Variants in CLSTN2 observed in about 807,000 individuals in gnomAD.
The protein encoded by CLSTN2 is calsyntenin 2.
CLSTN2 carries 48 observed loss-of-function variants against 101.2 expected under a neutral mutation model. The observed-to-expected ratio is 0.47, with a 90% CI of 0.38 to 0.60. The LOEUF (loss-of-function observed/expected upper bound fraction) is 0.60, where lower values mean the gene tolerates loss of function less well. CLSTN2 is among the 20% of genes least tolerant of loss of function. The pLI is 0.00. For missense variants in CLSTN2, 1,160 were observed against 1,238.2 expected (o/e 0.94, Z 0.95); for synonymous variants, 481 against 463.6 (o/e 1.04, Z -0.48).
rs549090179 is a variant in CLSTN2 at position 140,459,466 on chromosome 3, C to T, written c.974-55C>T. ...TTCACCTTGACCCAGGAGCAGAAAA[C>T]AGATGAGGACACCGCATCATGACCT... On this transcript the variant is annotated intron_variant, in intron 6 of 16. Transcript: ENST00000458420. 136 of 1,595,672 alleles carry T rather than the reference C, an allele frequency of 8.5e-5. 1 individual carries two copies. The South Asian group carries it at 1.1e-3, about 13-fold the overall frequency.
chr3:140,512,493 G>A (rs1934834165), intron 8 of CLSTN2, among the ~76,000 whole-genome samples: 1 of 152,164 alleles, frequency 6.6e-6, no homozygotes, highest in Non-Finnish European at 1.5e-5. Flanking sequence ...TTGGTTACCA[G>A]CATCATTCTG....
At chr3:140,144,535 G>C (rs1473746287) in intron 1 of CLSTN2, among the ~76,000 whole-genome samples, 1 of 152,112 alleles carries the variant, frequency 6.6e-6, no homozygotes, top group Non-Finnish European at 1.5e-5. Flanking sequence ...AGAATTGCTT[G>C]AACCCAGGAG....
intron 2 of CLSTN2, among the ~76,000 whole-genome samples, chr3:140,224,306 C>A (rs980744507): frequency 6.6e-6 from 1 of 152,154 alleles, no homozygotes; most frequent in Admixed American, 6.5e-5. Context: ...TTCTTGGGAT[C>A]ATTTTGAAAG....
intron 11 of CLSTN2, 94 bp from the exon 12 acceptor site, chr3:140,558,546 T>C: frequency 2.1e-6 from 2 of 950,566 alleles, no homozygotes; most frequent in South Asian, 3.1e-5. Flanking sequence ...GATGCCTTGT[T>C]AAGAACTGGA....
intron 2 of CLSTN2, among the ~76,000 whole-genome samples, chr3:140,214,596 C>G (rs2010898977): frequency 1.3e-5 from 2 of 152,148 alleles, no homozygotes; most frequent in South Asian, 2.1e-4. Context: ...ACACTAACTC[C>G]CTTTCCCAAC....
intron 1 of CLSTN2, among the ~76,000 whole-genome samples, chr3:140,169,301 T>A (rs1234248182): frequency 6.6e-6 from 1 of 152,180 alleles, no homozygotes; most frequent in Non-Finnish European, 1.5e-5. Flanking sequence ...GATTTCTTCA[T>A]AGAAATACCA....
intron 1 of CLSTN2, among the ~76,000 whole-genome samples, chr3:140,048,701 G>T (rs930193040): frequency 1.3e-5 from 2 of 151,214 alleles, no homozygotes; most frequent in Non-Finnish European, 2.9e-5. Context: ...CTTCCTTACT[G>T]GGGGGAGTGG....
chr3:140,331,906 C>T (rs1039696314), intron 2 of CLSTN2, among the ~76,000 whole-genome samples: 51 of 152,296 alleles, frequency 3.3e-4, no homozygotes, highest in African/African-American at 1.2e-3. Flanking sequence ...AAACCACTAC[C>T]GTGCTTATTA....
At chr3:140,014,663 C>T (rs2007160287) in intron 1 of CLSTN2, among the ~76,000 whole-genome samples, 1 of 152,110 alleles carries the variant, frequency 6.6e-6, no homozygotes, top group Non-Finnish European at 1.5e-5. Context: ...CACAGTAGGG[C>T]CTGTGCCCAG....
At chr3:140,158,295 AG>A in intron 1 of CLSTN2, among the ~76,000 whole-genome samples, 1 of 152,344 alleles carries the variant, frequency 6.6e-6, no homozygotes, top group East Asian at 1.9e-4. Context: ...ATTATATACC[AG>A]GAAAAACCTA....
Position 140,290,709 on chromosome 3 carries a change from A to T in CLSTN2, c.233-112920A>T, listed in dbSNP as rs911295665. Among the ~76,000 whole-genome samples, 6 of 152,244 alleles carry T rather than the reference A, an allele frequency of 3.9e-5. No homozygotes were observed. In the South Asian group the frequency reaches 1.2e-3, roughly 32 times the overall value. ...TTTGGAGCATAGAATGGATAATTCA[A>T]TGTCTAAGCCTAAGTATCCTGATTC... On this transcript the variant is annotated intron_variant, in intron 2 of 16. Coordinates refer to ENST00000458420, the MANE Select transcript of CLSTN2 (RefSeq NM_022131.3).
Position 140,045,535 on chromosome 3 carries a change from C to T in CLSTN2, c.109+110052C>T, listed in dbSNP as rs1271298802. On this transcript the variant is annotated intron_variant, in intron 1 of 16. Transcript: ENST00000458420. ...TGTGTCTCTATCTCCTTCAGTTCTGCTAGTTATTTCTTGTCTTCTGCTAGC... is the reference window on the plus strand; with the variant it reads ...TGTGTCTCTATCTCCTTCAGTTCTGTTAGTTATTTCTTGTCTTCTGCTAGC... Among the ~76,000 whole-genome samples the T allele has an allele frequency of 2.0e-5, 3 of 150,782 alleles. No individual in the cohort carries two copies. The Admixed American group carries it at 2.0e-4, about 10-fold the overall frequency.
intron 1 of CLSTN2, among the ~76,000 whole-genome samples, chr3:140,113,679 A>G (rs2009192703): frequency 1.3e-5 from 2 of 152,078 alleles, no homozygotes; most frequent in African/African-American, 4.8e-5. Flanking sequence ...CTTCATATTA[A>G]CCCTCCAAGT....
At chr3:140,113,512 T>C (rs142526427) in intron 1 of CLSTN2, among the ~76,000 whole-genome samples, 2,674 of 152,326 alleles carry the variant, frequency 0.018, 37 homozygotes, top group Non-Finnish European at 0.025. Flanking sequence ...GTCCTACTCT[T>C]GGCACCAACT....
chr3:140,085,520 C>T (rs1033423275), intron 1 of CLSTN2, among the ~76,000 whole-genome samples: 1 of 152,168 alleles, frequency 6.6e-6, no homozygotes, highest in African/African-American at 2.4e-5. Flanking sequence ...GGGCTGTGGA[C>T]ATCTTCTCAC....
chr3:140,077,259 C>T (rs2008507684), intron 1 of CLSTN2, among the ~76,000 whole-genome samples: 1 of 152,200 alleles, frequency 6.6e-6, no homozygotes, highest in African/African-American at 2.4e-5. Context: ...TGGGCCTCTT[C>T]TGTCCTAGTC....
intron 5 of CLSTN2, among the ~76,000 whole-genome samples, chr3:140,428,496 G>A (rs2088596434): frequency 1.3e-5 from 2 of 152,070 alleles, no homozygotes; most frequent in Admixed American, 1.3e-4. Context: ...GTTGCTGACT[G>A]GACTTCCAGC....
intron 1 of CLSTN2, among the ~76,000 whole-genome samples, chr3:140,067,937 TTGG>T (rs2107775601): frequency 1.3e-5 from 2 of 152,342 alleles, no homozygotes; most frequent in East Asian, 3.9e-4. Flanking sequence ...GTCAGAAGTG[TTGG>T]TAGAATCTTG....
intron 1 of CLSTN2, among the ~76,000 whole-genome samples, chr3:140,079,342 C>T (rs1191459213): frequency 6.6e-6 from 1 of 152,126 alleles, no homozygotes; most frequent in Non-Finnish European, 1.5e-5. Flanking sequence ...TATCAATTTT[C>T]AGGAGAGAGC....
Sources: allele counts gnomAD v4.1 joint callset (sites outside exome capture counted in the v4.1 genomes callset), GRCh38; gene constraint gnomAD v4.1.1; transcripts MANE v1.5; gene names NCBI Gene and HGNC (gene_info 2026-07-23, HGNC 2026-07-21).